PTPRD: variants seen among roughly 807,000 people sequenced by gnomAD.
PTPRD encodes receptor-type tyrosine-protein phosphatase delta.
Under a neutral mutation model 214.5 loss-of-function variants are expected in PTPRD, and 34 were observed. That is an observed-to-expected ratio of 0.16 (90% CI 0.12 to 0.21). The LOEUF (loss-of-function observed/expected upper bound fraction) is 0.21. PTPRD is among the 10% of genes least tolerant of loss of function. PTPRD has a pLI of 1.00. For synonymous variants in PTPRD, 1,128 were observed against 845.7 expected (o/e 1.33, Z -5.79); for missense variants, 2,545 against 2,398.7 (o/e 1.06, Z -1.27).
chr9:9,801,210 G>A (rs1339847146), intron 5 of PTPRD, among the ~76,000 whole-genome samples: 1 of 151,844 alleles, frequency 6.6e-6, no homozygotes, highest in Non-Finnish European at 1.5e-5. Flanking sequence ...TTAGTACCCG[G>A]TATACATTCA....
chr9:8,493,081 C>T, intron 26 of PTPRD, 102 bp from the exon 27 acceptor site: 1 of 933,096 alleles, frequency 1.1e-6, no homozygotes, highest in African/African-American at 1.6e-5. Flanking sequence ...CTCGCACATC[C>T]CTTGCAGCCA....
chr9:9,487,011 T>C (rs761505306), intron 8 of PTPRD, among the ~76,000 whole-genome samples: 1 of 152,168 alleles, frequency 6.6e-6, no homozygotes, highest in African/African-American at 2.4e-5. Flanking sequence ...TTAAATAAAT[T>C]ATAGTTTTAA....
intron 4 of PTPRD, among the ~76,000 whole-genome samples, chr9:9,987,917 A>C (rs1309715447): frequency 2.0e-5 from 3 of 152,160 alleles, no homozygotes; most frequent in Admixed American, 6.5e-5. Context: ...TACAAGTAAT[A>C]AAATACTATC....
intron 14 of PTPRD, among the ~76,000 whole-genome samples, chr9:8,575,427 C>T (rs2092181639): frequency 6.6e-6 from 1 of 152,028 alleles, no homozygotes; most frequent in Non-Finnish European, 1.5e-5. Flanking sequence ...TACGGAGTGG[C>T]CAATGTACTA....
intron 3 of PTPRD, among the ~76,000 whole-genome samples, chr9:10,214,206 T>A (rs72696977): frequency 6.6e-6 from 1 of 152,032 alleles, no homozygotes; most frequent in African/African-American, 2.4e-5. Context: ...TAGAAAAATA[T>A]GGAAATTCCC....
In PTPRD at chr9:10,167,696, T is replaced by C. The variant is rs372235672; in HGVS notation, c.-544-133906A>G. Among the ~76,000 whole-genome samples, 13 of 152,336 alleles carry C rather than the reference T, an allele frequency of 8.5e-5. 1 individual carries two copies. The highest frequency in any genetic ancestry group is 2.9e-4 in the African/African-American group (12 of 41,586). On this transcript the variant is annotated intron_variant, in intron 3 of 45. Transcript: ENST00000381196. ...TCCAAAGCCTCTGAGGCTATCCATT[T>C]TGTTTCCCAGGAAGCTAGATAAAGC...
At chr9:9,485,056 A>G (rs904092153) in intron 8 of PTPRD, among the ~76,000 whole-genome samples, 2 of 152,206 alleles carry the variant, frequency 1.3e-5, no homozygotes, top group Non-Finnish European at 2.9e-5. Flanking sequence ...AGTGCATTCA[A>G]GATAAGCCAT....
chr9:10,005,886 G>C (rs532067101), intron 4 of PTPRD, among the ~76,000 whole-genome samples: 1 of 151,880 alleles, frequency 6.6e-6, no homozygotes, highest in Non-Finnish European at 1.5e-5. Flanking sequence ...ACAAAATTAT[G>C]GTAAATGCTT....
chr9:9,931,195 A>C (rs1233209399), intron 5 of PTPRD, among the ~76,000 whole-genome samples: 1 of 152,214 alleles, frequency 6.6e-6, no homozygotes, highest in Non-Finnish European at 1.5e-5. Context: ...AAAAATAAAA[A>C]AAAGAATTAA....
intron 25 of PTPRD, among the ~76,000 whole-genome samples, chr9:8,498,931 C>T (rs1027064563): frequency 6.6e-6 from 1 of 152,136 alleles, no homozygotes; most frequent in African/African-American, 2.4e-5. Context: ...CTGTTTTAAA[C>T]AACTAATTAT....
intron 35 of PTPRD, among the ~76,000 whole-genome samples, chr9:8,408,175 G>T (rs2093190384): frequency 6.6e-6 from 1 of 152,170 alleles, no homozygotes. Flanking sequence ...GAATGTAAAA[G>T]TTGACTTTCA....
Position 8,341,330 on chromosome 9 carries a change from G to A in PTPRD, c.4948-62C>T, listed in dbSNP as rs564803487. 1.0e-5 allele frequency: 15 copies of A among 1,485,210 alleles called. No homozygotes were observed. The South Asian group carries it at 2.1e-4, about 20-fold the overall frequency. The allele number at this position is 1,485,210 out of a possible 1,614,324, so 92.0% of individuals were successfully genotyped here. The stretch of plus-strand genomic sequence containing the variant: ...CAAAGATCATTTTCACCTACAGTTT[G>A]AATGCAGTGTACCCCAGATTTCCCT... On this transcript the variant is annotated intron_variant, in intron 40 of 45. Transcript: ENST00000381196.
chr9:8,605,250 A>T lies in PTPRD; in HGVS notation c.352+28067T>A, dbSNP rs1595063873. ...CAAATTTTGAAGTATATTAAACCTGACAATTTAATATTTATGTAAGCTGCA... is the reference window on the plus strand; with the variant it reads ...CAAATTTTGAAGTATATTAAACCTGTCAATTTAATATTTATGTAAGCTGCA... On this transcript the variant is annotated intron_variant, in intron 14 of 45. Transcript: ENST00000381196. 2.0e-5 allele frequency among the ~76,000 whole-genome samples: 3 copies of T among 152,336 alleles called. No homozygotes were observed. In the South Asian group the frequency reaches 6.2e-4, roughly 32 times the overall value.
intron 5 of PTPRD, among the ~76,000 whole-genome samples, chr9:9,936,740 A>T (rs2089601011): frequency 7.3e-6 from 1 of 136,310 alleles, no homozygotes; most frequent in Non-Finnish European, 1.5e-5. Context: ...TACCCAAAGG[A>T]CTATAAATCA....
chr9:9,637,003 C>T (rs1402037740), intron 7 of PTPRD, among the ~76,000 whole-genome samples: 3 of 152,018 alleles, frequency 2.0e-5, no homozygotes, highest in African/African-American at 4.8e-5. Context: ...AAAAAATAAT[C>T]GAACTCCCTA....
At chr9:8,663,452 G>C (rs201711805) in intron 12 of PTPRD, among the ~76,000 whole-genome samples, 1 of 104,442 alleles carries the variant, frequency 9.6e-6, no homozygotes, top group Non-Finnish European at 1.9e-5. Flanking sequence ...GATTGTAAAA[G>C]CATAGCTGTG....
chr9:8,825,040 A>G (rs1015999875), intron 11 of PTPRD, among the ~76,000 whole-genome samples: 1 of 152,192 alleles, frequency 6.6e-6, no homozygotes, highest in Non-Finnish European at 1.5e-5. Flanking sequence ...TTTGTTTCAT[A>G]GAAGGAATTT....
intron 12 of PTPRD, among the ~76,000 whole-genome samples, chr9:8,708,360 G>A (rs943400491): frequency 6.6e-6 from 1 of 152,020 alleles, no homozygotes; most frequent in Non-Finnish European, 1.5e-5. Flanking sequence ...AAACAGTATG[G>A]AAGTTCCTTA....
intron 3 of PTPRD, among the ~76,000 whole-genome samples, chr9:10,234,804 A>C (rs2099623579): frequency 6.6e-6 from 1 of 151,944 alleles, no homozygotes; most frequent in Non-Finnish European, 1.5e-5. Context: ...CCAAACTGAA[A>C]TATATTTTAC....
Sources: gnomAD v4.1 joint callset for allele counts (sites outside exome capture counted in the v4.1 genomes callset) on GRCh38, gnomAD v4.1.1 for gene constraint, MANE v1.5 for transcripts, NCBI Gene and HGNC (gene_info 2026-07-23, HGNC 2026-07-21) for gene names.